Variants in SLC9A5 observed in about 807,000 individuals in gnomAD.
SLC9A5 encodes solute carrier family 9 member A5.
SLC9A5 carries 52 observed loss-of-function variants against 91.7 expected under a neutral mutation model. The observed-to-expected ratio is 0.57, with a 90% confidence interval of 0.45 to 0.71. The LOEUF (loss-of-function observed/expected upper bound fraction) is 0.71. SLC9A5 is among the 30% of genes least tolerant of loss of function. The probability of loss-of-function intolerance (pLI) is 0.00; values close to 1 mark genes in which losing one functional copy is unlikely to be tolerated. For synonymous variants in SLC9A5, 419 were observed against 474.5 expected, an observed-to-expected ratio of 0.88 and a Z score of 1.52; for missense variants, 871 against 1,158.9, an observed-to-expected ratio of 0.75 and a Z score of 3.61.
At chr16:67,263,172 G>C (rs2035586126) in intron 12 of SLC9A5, 1 of 152,958 alleles carries the variant, frequency 6.5e-6, no homozygotes, top group Non-Finnish European at 1.5e-5. Context: ...GAGCAATGTG[G>C]AGGCCGGGGC....
In SLC9A5 at chr16:67,271,044, C is replaced by G; in HGVS notation, c.2525C>G (p.Pro842Arg). Reference sequence around the variant, plus strand: ...GATCCACGCTCTAGCTTCGCCTTCCCACCGAGCCTGGCCAAGGCTGGCCGC... The same window carrying G: ...GATCCACGCTCTAGCTTCGCCTTCCGACCGAGCCTGGCCAAGGCTGGCCGC... Reference protein sequence around the residue: ...PSDPRSSFAFPPSLAKAGRSR... With the variant: ...PSDPRSSFAFRPSLAKAGRSR... Residue 842 changes from proline (P) to arginine (R), a missense_variant, in exon 16 of 16, where the codon CCA becomes CGA. By Grantham distance (103) the Pro-to-Arg change is moderately radical (BLOSUM62 -2). This residue lies in a region of SLC9A5 where 295 missense variants were observed against 326.0 expected (regional missense o/e 0.90). Transcript: ENST00000299798. 1 of 1,612,490 alleles carries G rather than the reference C, an allele frequency of 6.2e-7. No homozygotes were observed. Among genetic ancestry groups the G allele is most frequent in the Non-Finnish European group, 8.5e-7 (1 of 1,178,854 alleles).
Position 67,257,622 on chromosome 16 carries a change from C to A in SLC9A5, c.1496+21C>A. 1 of 1,612,994 alleles carries A rather than the reference C, an allele frequency of 6.2e-7. No individual in the cohort carries two copies. Among genetic ancestry groups the A allele is most frequent in the Non-Finnish European group, 8.5e-7 (1 of 1,179,048 alleles). On this transcript the variant is annotated intron_variant, in intron 9 of 15. Transcript: ENST00000299798. This position sits in a 1 kb window ranked among gnomAD's most constrained non-coding sequence, Gnocchi z 5.1. ...GACAGGTGAGGGAGCTGCCCCGAGG[C>A]TCCTTCAGCAGCAGCAGCCCCACCA... is the stretch of plus-strand genomic sequence containing the variant.
chr16:67,259,434 T>G, intron 10 of SLC9A5, 139 bp from the exon 11 acceptor site: 1 of 613,762 alleles, frequency 1.6e-6, no homozygotes, highest in Admixed American at 2.8e-5. Context: ...GTGAATTCGA[T>G]ATGTAAAGTG....
chr16:67,268,345 G>A (rs1391133799), intron 15 of SLC9A5, among the ~76,000 whole-genome samples: 2 of 95,240 alleles, frequency 2.1e-5, no homozygotes, highest in Non-Finnish European at 4.3e-5. Flanking sequence ...TTTTTTTTTT[G>A]AGTTAGGATC....
At chr16:67,260,657 C>T (rs1213692690) in intron 12 of SLC9A5, among the ~76,000 whole-genome samples, 2 of 152,212 alleles carry the variant, frequency 1.3e-5, no homozygotes, top group South Asian at 2.1e-4. Context: ...TACTGGGGGC[C>T]TTGAGGGTCA....
In SLC9A5 at chr16:67,255,838, G is replaced by A; in HGVS notation, c.819G>A (p.Lys273=). The A allele has an allele frequency of 1.2e-6, 2 of 1,612,072 alleles. No individual in the cohort carries two copies. Among genetic ancestry groups the A allele is most frequent in the East Asian group, 2.2e-5 (1 of 44,874 alleles). The change falls in exon 5 of 16, where the codon AAG becomes AAA. Residue 273 remains lysine (K), a synonymous_variant. Transcript: ENST00000299798. This position sits in a 1 kb window ranked among gnomAD's most constrained non-coding sequence, Gnocchi z 4.9. ...TGGCCCTGACCACACGCTTCACCAA[G>A]CGGGTCCGCATCATCGAGCCGCTGC... ...FLLALTTRFT[K]RVRIIEPLLV...
rs751861862 is a variant in SLC9A5, at chr16:67,255,075, C to T, written c.545C>T (p.Ser182Leu). The T allele has an allele frequency of 5.0e-6, 8 of 1,614,048 alleles. No homozygotes were observed. Among genetic ancestry groups the T allele is most frequent in the Admixed American group, 1.7e-5 (1 of 60,000 alleles). The change falls in exon 3 of 16, where the codon TCG becomes TTG. Residue 182 changes from serine to leucine, a missense_variant. Physicochemically the swap from Ser to Leu is moderately radical, Grantham distance 145. Transcript: ENST00000299798. This position sits in a 1 kb window ranked among gnomAD's most constrained non-coding sequence, Gnocchi z 4.9. ...LDFLLFGSLI[S>L]AVDPVAVLAV... ...TTCCTGCTGTTTGGGAGCCTCATCTCGGCGGTGGACCCCGTGGCCGTGCTA... is the reference window on the plus strand; with the variant it reads ...TTCCTGCTGTTTGGGAGCCTCATCTTGGCGGTGGACCCCGTGGCCGTGCTA...
intron 14 of SLC9A5, among the ~76,000 whole-genome samples, chr16:67,265,604 G>A (rs1016977050): frequency 5.9e-5 from 9 of 152,084 alleles, no homozygotes; most frequent in African/African-American, 2.2e-4. Flanking sequence ...TGTATTTTTG[G>A]TAGAGACAGG....
chr16:67,257,447 A>G lies in SLC9A5; in HGVS notation c.1425+13A>G, dbSNP rs761143005. 1.9e-6 allele frequency: 3 copies of G among 1,613,918 alleles called. No homozygotes were observed. The highest frequency in any genetic ancestry group is 2.5e-6 in the Non-Finnish European group (3 of 1,179,824). On this transcript the variant is annotated intron_variant, in intron 8 of 15. Transcript: ENST00000299798. The surrounding 1 kb of genome is among the most constrained non-coding windows in gnomAD (Gnocchi z 5.1). ...GCTGCATGAACACGTGGGTATCAGA[A>G]CCCCAGCCCTCGCCTGTCCCTCTCG...
In SLC9A5 at chr16:67,270,461, G is replaced by A. The variant is rs143296859; in HGVS notation, c.2219-277G>A. ...TGGCCTCCCAAAGTGCTGGGATTAC[G>A]GCATGAGCCATAAGCCAACTTTCCT... On this transcript the variant is annotated intron_variant, in intron 15 of 15. Coordinates refer to ENST00000299798, the MANE Select transcript of SLC9A5 (RefSeq NM_004594.3). The surrounding 1 kb of genome is among the most constrained non-coding windows in gnomAD (Gnocchi z 4.3). Among the ~76,000 whole-genome samples the A allele has an allele frequency of 1.3e-5, 2 of 152,186 alleles. No individual in the cohort carries two copies. Among genetic ancestry groups the A allele is most frequent in the South Asian group, 2.1e-4 (1 of 4,824 alleles).
chr16:67,255,577 A>G lies in SLC9A5; in HGVS notation c.733+106A>G. On this transcript the variant is annotated intron_variant, in intron 4 of 15. Coordinates refer to ENST00000299798, the MANE Select transcript of SLC9A5 (RefSeq NM_004594.3). The surrounding 1 kb of genome is among the most constrained non-coding windows in gnomAD (Gnocchi z 4.9). ...CAGAAGAGGCTATTCGGGTTGCCTCATCTCCTCTATAGAGAAATGGGGTCT... is the reference window on the plus strand; with the variant it reads ...CAGAAGAGGCTATTCGGGTTGCCTCGTCTCCTCTATAGAGAAATGGGGTCT... 2 of 1,341,974 alleles carry G rather than the reference A, an allele frequency of 1.5e-6. No individual in the cohort carries two copies. Among genetic ancestry groups the G allele is most frequent in the Non-Finnish European group, 2.1e-6 (2 of 945,698 alleles). The allele number at this position is 1,341,974 out of a possible 1,614,324, so 83.1% of individuals were successfully genotyped here.
Position 67,257,322 on chromosome 16 carries a change from G to T in SLC9A5, c.1336-23G>T. 6.3e-7 allele frequency: 1 copy of T among 1,582,102 alleles called. No individual in the cohort carries two copies. Among genetic ancestry groups the T allele is most frequent in the African/African-American group, 1.3e-5 (1 of 74,422 alleles). ...GGGAACTGAATAGGAATAGGGCAGG[G>T]CTCACCTCCTGCCTGTCCATAGGGC... On this transcript the variant is annotated intron_variant, in intron 7 of 15. Coordinates refer to ENST00000299798, the MANE Select transcript of SLC9A5 (RefSeq NM_004594.3). This position sits in a 1 kb window ranked among gnomAD's most constrained non-coding sequence, Gnocchi z 5.1.
rs940787884 is a variant in SLC9A5, at chr16:67,258,960, C to T, written c.1626+513C>T. Among the ~76,000 whole-genome samples, 3 of 145,094 alleles carry T rather than the reference C, an allele frequency of 2.1e-5. No homozygotes were observed. Among genetic ancestry groups the T allele is most frequent in the Admixed American group, 6.9e-5 (1 of 14,558 alleles). Reference sequence around the variant, plus strand: ...ACTCTGGAGGCTGAGGCAGGAGAATCGCTAAAATCTGGGAAGCGGGCTGGG... The same window carrying T: ...ACTCTGGAGGCTGAGGCAGGAGAATTGCTAAAATCTGGGAAGCGGGCTGGG... On this transcript the variant is annotated intron_variant, in intron 10 of 15. Transcript: ENST00000299798. The surrounding 1 kb of genome is among the most constrained non-coding windows in gnomAD (Gnocchi z 4.5).
At chr16:67,254,330 G>T (rs1159334104) in intron 2 of SLC9A5, among the ~76,000 whole-genome samples, 3 of 152,200 alleles carry the variant, frequency 2.0e-5, no homozygotes, top group Non-Finnish European at 4.4e-5. Flanking sequence ...AAAATAGTTA[G>T]CAGCCAATTT....
Position 67,255,672 on chromosome 16 carries a change from C to A in SLC9A5, c.734-81C>A. 6.9e-7 allele frequency: 1 copy of A among 1,458,086 alleles called. No homozygotes were observed. The highest frequency in any genetic ancestry group is 9.3e-7 in the Non-Finnish European group (1 of 1,074,482). The allele number at this position is 1,458,086 out of a possible 1,614,324, so 90.3% of individuals were successfully genotyped here. A position where few individuals can be genotyped will look rare whatever the true frequency, so the allele number is the denominator to read the frequency against. On this transcript the variant is annotated intron_variant, in intron 4 of 15. Transcript: ENST00000299798. This position sits in a 1 kb window ranked among gnomAD's most constrained non-coding sequence, Gnocchi z 4.9. ...TGGGAGTGCGGTGGGCATCATCCCT[C>A]ACTCCCTGCCAGGCAGCAGTCTTGT...
chr16:67,269,570 GA>G (rs2035852343), intron 15 of SLC9A5, among the ~76,000 whole-genome samples: 1 of 152,202 alleles, frequency 6.6e-6, no homozygotes, highest in Non-Finnish European at 1.5e-5. Context: ...CTGTAAAGGT[GA>G]ATACCAAAGG....
rs2035872631 is a variant in SLC9A5 at position 67,270,255 on chromosome 16, G to A, written c.2219-483G>A. On this transcript the variant is annotated intron_variant, in intron 15 of 15. Coordinates refer to ENST00000299798, the MANE Select transcript of SLC9A5 (RefSeq NM_004594.3). The surrounding 1 kb of genome is among the most constrained non-coding windows in gnomAD (Gnocchi z 4.3). ...GGCTGGAGTGCAGTGGCGAGATCTC[G>A]GCTCATTGCAACCTCTGCCTCCCGG... Among the ~76,000 whole-genome samples, 1 of 151,838 alleles carries A rather than the reference G, an allele frequency of 6.6e-6. No individual in the cohort carries two copies. The highest frequency in any genetic ancestry group is 1.5e-5 in the Non-Finnish European group (1 of 67,972).
rs2035389859 is a variant in SLC9A5 at position 67,258,244 on chromosome 16, G to A, written c.1497-74G>A. 2 of 1,535,942 alleles carry A rather than the reference G, an allele frequency of 1.3e-6. No individual in the cohort carries two copies. Among genetic ancestry groups the A allele is most frequent in the East Asian group, 2.3e-5 (1 of 44,378 alleles). On this transcript the variant is annotated intron_variant, in intron 9 of 15. Coordinates refer to ENST00000299798, the MANE Select transcript of SLC9A5 (RefSeq NM_004594.3). The surrounding 1 kb of genome is among the most constrained non-coding windows in gnomAD (Gnocchi z 4.5). ...CCAGGCCAGTGCTGACGGTGTCCTT[G>A]CCCCGTCTGAGGAAGGGCCACCTGG...
At position 67,271,454 on chromosome 16, in the gene SLC9A5, C is replaced by T; in HGVS notation, c.*244C>T. ...TTAAGGCCTCTACTCTGGCTCAGGA[C>T]CCAGTCCAGGCCTTCTACGGGCTAG... is the stretch of plus-strand genomic sequence containing the variant. On this transcript the variant is annotated 3_prime_UTR_variant, in exon 16 of 16. Coordinates refer to ENST00000299798, the MANE Select transcript of SLC9A5 (RefSeq NM_004594.3). 1 of 558,458 alleles carries T rather than the reference C, an allele frequency of 1.8e-6. No homozygotes were observed. Among genetic ancestry groups the T allele is most frequent in the Non-Finnish European group, 3.2e-6 (1 of 311,146 alleles). 34.6% of individuals were successfully genotyped at this position (558,458 alleles called of 1,614,324 possible).
Sources: allele counts gnomAD v4.1 joint callset (sites outside exome capture counted in the v4.1 genomes callset), GRCh38; gene constraint gnomAD v4.1.1; regional missense constraint gnomAD v4.1.1; non-coding constraint Gnocchi (gnomAD v3.1); transcripts MANE v1.5; gene names NCBI Gene and HGNC (gene_info 2026-07-23, HGNC 2026-07-21).